Variants in PLSCR2 observed in about 807,000 individuals in gnomAD.
PLSCR2 encodes the protein PL scramblase 2.
A neutral mutation model predicts 25.3 loss-of-function variants in PLSCR2; 18 were observed. The ratio of observed to expected loss-of-function variants is 0.71; its 90% CI spans 0.49 to 1.06. The LOEUF (loss-of-function observed/expected upper bound fraction) is 1.06. Ranked by LOEUF, PLSCR2 falls within the 50% of genes least tolerant of loss-of-function variation. The pLI is 0.00. For missense variants in PLSCR2, 243 were observed against 269.5 expected, an observed-to-expected ratio of 0.90 and a Z score of 0.69; for synonymous variants, 88 against 87.3, an observed-to-expected ratio of 1.01 and a Z score of -0.04.
At chr3:146,438,237 G>A (rs1339198842), downstream of PLSCR2, among the ~76,000 whole-genome samples, 1 of 152,174 alleles carries the variant, frequency 6.6e-6, no homozygotes, top group Non-Finnish European at 1.5e-5. Flanking sequence ...GTGCTCAGAA[G>A]AAAGTATATT....
upstream of PLSCR2, among the ~76,000 whole-genome samples, chr3:146,462,589 C>A (rs1165431384): frequency 6.6e-6 from 1 of 151,650 alleles, no homozygotes; most frequent in Non-Finnish European, 1.5e-5. Context: ...CCTCAGCCTC[C>A]CGAGTAGCTG....
intron 1 of PLSCR2, among the ~76,000 whole-genome samples, chr3:146,493,225 AGAT>A (rs1343001313): frequency 1.3e-5 from 2 of 152,162 alleles, no homozygotes; most frequent in South Asian, 2.1e-4. Context: ...TACAAATAAT[AGAT>A]GATAACAGTC....
At position 146,427,619 on chromosome 3, in the gene PLSCR2, T is replaced by G. The variant is rs550883346; in HGVS notation, c.100+30792A>C. On this transcript the variant is annotated intron_variant and NMD_transcript_variant, in intron 2 of 3. Coordinates refer to the PLSCR2 transcript ENST00000463633. ...CGATGTGAACTCTGTCCAAGTTCTT[T>G]CCTCTGTCTAAAACTATATTCTCCC... 3.0e-4 allele frequency among the ~76,000 whole-genome samples: 45 copies of G among 152,338 alleles called. No homozygotes were observed. In the South Asian group the frequency reaches 9.1e-3, roughly 31 times the overall value.
At chr3:146,477,815 G>A (rs1251844277) in intron 1 of PLSCR2, among the ~76,000 whole-genome samples, 1 of 152,188 alleles carries the variant, frequency 6.6e-6, no homozygotes, top group African/African-American at 2.4e-5. Context: ...AGCCTAACTG[G>A]GAGACACCTC....
downstream of PLSCR2, chr3:146,441,688 A>C: frequency 1.3e-6 from 1 of 768,550 alleles, no homozygotes; most frequent in Non-Finnish European, 2.2e-6. Flanking sequence ...AAAGAAAAGA[A>C]AAAAACACTG....
intron 1 of PLSCR2, among the ~76,000 whole-genome samples, chr3:146,486,031 A>G (rs544349850): frequency 3.3e-5 from 5 of 152,248 alleles, no homozygotes; most frequent in African/African-American, 1.2e-4. Flanking sequence ...TGGGTGCTAC[A>G]AGATGAGATT....
downstream of PLSCR2, among the ~76,000 whole-genome samples, chr3:146,429,224 G>A (rs2039460060): frequency 6.6e-6 from 1 of 152,212 alleles, no homozygotes; most frequent in African/African-American, 2.4e-5. Flanking sequence ...AAGGGGACCA[G>A]CATGTCACAT....
At chr3:146,457,900 G>A (rs1055139398) in intron 3 of PLSCR2, among the ~76,000 whole-genome samples, 2 of 151,088 alleles carry the variant, frequency 1.3e-5, no homozygotes, top group African/African-American at 4.8e-5. Context: ...CACAGTATTT[G>A]TAGGAGATTG....
In PLSCR2 at chr3:146,446,547, G is replaced by T. The variant is rs114018393; in HGVS notation, c.645+2659C>A. Among the ~76,000 whole-genome samples the T allele has an allele frequency of 5.7e-3, 872 of 152,208 alleles. 9 individuals are homozygous for T. The highest frequency in any genetic ancestry group is 0.02 in the African/African-American group (831 of 41,518). On this transcript the variant is annotated intron_variant, in intron 6 of 6. Coordinates refer to ENST00000610787, the Ensembl canonical transcript of PLSCR2. Reference sequence around the variant, plus strand: ...TGTGCTGAGCTGCCTAGATCTGGGGGAAGGGTGACACAAAAACCCATGTGA... The same window carrying T: ...TGTGCTGAGCTGCCTAGATCTGGGGTAAGGGTGACACAAAAACCCATGTGA...
chr3:146,427,427 G>A (rs1358889264), intron 2 of PLSCR2, among the ~76,000 whole-genome samples: 1 of 152,168 alleles, frequency 6.6e-6, no homozygotes, highest in Non-Finnish European at 1.5e-5. Context: ...AGGAAAGGCT[G>A]TCCAGTCAAG....
downstream of PLSCR2, among the ~76,000 whole-genome samples, chr3:146,437,773 T>C (rs971555413): frequency 2.0e-5 from 3 of 152,208 alleles, no homozygotes; most frequent in Non-Finnish European, 2.9e-5. Context: ...CTCTATCTCC[T>C]TCACTTCTGC....
At chr3:146,404,079 A>G (rs1576564347) in intron 2 of PLSCR2, among the ~76,000 whole-genome samples, 1 of 152,026 alleles carries the variant, frequency 6.6e-6, no homozygotes, top group South Asian at 2.1e-4. Flanking sequence ...CTGTGTTCTG[A>G]CCCTAGCCAA....
At chr3:146,459,039 A>G (rs2041395988) in intron 2 of PLSCR2, among the ~76,000 whole-genome samples, 1 of 152,184 alleles carries the variant, frequency 6.6e-6, no homozygotes, top group African/African-American at 2.4e-5. Context: ...ATATTTGTTT[A>G]TAGATTGGAG....
intron 3 of PLSCR2, among the ~76,000 whole-genome samples, chr3:146,393,350 A>G (rs1173235111): frequency 6.6e-6 from 1 of 151,916 alleles, no homozygotes. Flanking sequence ...TGTATAAAAC[A>G]TTTAAAAATA....
At chr3:146,472,137 G>T (rs1018343202) in intron 1 of PLSCR2, among the ~76,000 whole-genome samples, 6 of 152,054 alleles carry the variant, frequency 3.9e-5, no homozygotes, top group African/African-American at 9.7e-5. Context: ...GCTGTGTATG[G>T]TTACAGTCAT....
At chr3:146,493,728 G>C (rs11716510) in intron 1 of PLSCR2, among the ~76,000 whole-genome samples, 1 of 149,484 alleles carries the variant, frequency 6.7e-6, no homozygotes, top group Non-Finnish European at 1.5e-5. Context: ...ATAGCATTTC[G>C]GGAGTCCAAC....
chr3:146,396,755 GCTCA>G (rs2038287739), intron 2 of PLSCR2, among the ~76,000 whole-genome samples: 1 of 152,126 alleles, frequency 6.6e-6, no homozygotes, highest in Non-Finnish European at 1.5e-5. Flanking sequence ...TAGCAGGGCT[GCTCA>G]TAACACAGCC....
chr3:146,395,822 G>A, exon 3 of PLSCR2: 2 of 177,130 alleles, frequency 1.1e-5, no homozygotes, highest in South Asian at 2.0e-4. Flanking sequence ...AATGGAAACT[G>A]GATCCCAAAT....
intron 2 of PLSCR2, among the ~76,000 whole-genome samples, chr3:146,420,120 C>T (rs1045343827): frequency 1.3e-4 from 20 of 152,158 alleles, no homozygotes; most frequent in African/African-American, 4.8e-4. Context: ...TGAATAAATG[C>T]TCTTCAGATT....
Sources: allele counts gnomAD v4.1 joint callset (sites outside exome capture counted in the v4.1 genomes callset), GRCh38; gene constraint gnomAD v4.1.1; transcripts MANE v1.5; gene names NCBI Gene and HGNC (gene_info 2026-07-23, HGNC 2026-07-21).